Variants in KIAA1217 observed in about 807,000 individuals in gnomAD.
KIAA1217 encodes the protein KIAA1217.
KIAA1217 carries 88 observed loss-of-function variants against 163.9 expected under a neutral mutation model. The observed-to-expected ratio is 0.54, with a 90% CI of 0.45 to 0.64. The LOEUF is 0.64. KIAA1217 is among the 30% of genes least tolerant of loss of function. The probability of loss-of-function intolerance (pLI) is 0.00; values close to 1 mark genes in which losing one functional copy is unlikely to be tolerated. For missense variants in KIAA1217, 2,372 were observed against 2,475.0 expected (o/e 0.96, Z 0.88); for synonymous variants, 903 against 923.1 (o/e 0.98, Z 0.39).
rs552776810 is a variant in KIAA1217, at chr10:23,785,927, T to C, written c.-321+90693T>C. Among the ~76,000 whole-genome samples, 206 of 151,802 alleles carry C rather than the reference T, an allele frequency of 1.4e-3. 2 individuals are homozygous for C. Among genetic ancestry groups the C allele is most frequent in the Non-Finnish European group, 2.5e-3 (173 of 67,934 alleles). On this transcript the variant is annotated intron_variant, in intron 1 of 18. Coordinates refer to the KIAA1217 transcript ENST00000376462. ...ATACATAAACAACATCAGAATTCTG[T>C]TGGAAATAAAGAAAAAGGAGGAGAC...
chr10:24,049,960 C>T (rs1257594089), intron 2 of KIAA1217, among the ~76,000 whole-genome samples: 1 of 152,200 alleles, frequency 6.6e-6, no homozygotes, highest in Non-Finnish European at 1.5e-5. Context: ...CACTTCCTCT[C>T]CAGCATCTGT....
At chr10:24,315,961 A>G (rs2043308595) in intron 2 of KIAA1217, among the ~76,000 whole-genome samples, 1 of 151,752 alleles carries the variant, frequency 6.6e-6, no homozygotes. Flanking sequence ...CTTTTTAAAG[A>G]CAGCCAGTAT....
intron 2 of KIAA1217, among the ~76,000 whole-genome samples, chr10:24,125,236 C>A (rs2063425428): frequency 6.6e-6 from 1 of 152,030 alleles, no homozygotes; most frequent in Non-Finnish European, 1.5e-5. Flanking sequence ...CGTGCCACTG[C>A]ACTCCAGCCT....
In KIAA1217 at chr10:24,533,155, C is replaced by A. The variant is rs2073377290; in HGVS notation, c.3332C>A (p.Ser1111Tyr). The change falls in exon 16 of 21, where the codon TCC becomes TAC. Residue 1111 changes from serine to tyrosine, a missense_variant. This residue lies in a region of KIAA1217 where 1,431 missense variants were observed against 1,470.3 expected (regional missense o/e 0.97). Coordinates refer to ENST00000376454, the MANE Select transcript of KIAA1217 (RefSeq NM_019590.5). ...GAGCCTGCTTCAGCCTGGACCCCAT[C>A]CCCACCGCCTGTCACCACCTCCTCC... ...AEEPASAWTP[S>Y]PPPVTTSSSK... The A allele has an allele frequency of 6.2e-7, 1 of 1,613,860 alleles. No individual in the cohort carries two copies. Among genetic ancestry groups the A allele is most frequent in the East Asian group, 2.2e-5 (1 of 44,864 alleles).
chr10:23,922,048 C>T (rs895279676), intron 1 of KIAA1217, among the ~76,000 whole-genome samples: 2 of 151,880 alleles, frequency 1.3e-5, no homozygotes, highest in African/African-American at 2.4e-5. Flanking sequence ...TCACCCCCCA[C>T]CCCCCACCAA....
chr10:24,277,877 G>A (rs967003124), intron 2 of KIAA1217, among the ~76,000 whole-genome samples: 7 of 152,160 alleles, frequency 4.6e-5, no homozygotes, highest in East Asian at 1.9e-4. Flanking sequence ...ACCCTCTGAC[G>A]GGCAAAAGAC....
intron 6 of KIAA1217, among the ~76,000 whole-genome samples, chr10:24,478,394 A>T (rs575751418): frequency 6.6e-6 from 1 of 152,230 alleles, no homozygotes; most frequent in East Asian, 1.9e-4. Flanking sequence ...AGATGCTTCA[A>T]TGAGCATCTA....
chr10:23,837,370 G>T (rs1185976456), intron 1 of KIAA1217, among the ~76,000 whole-genome samples: 1 of 152,110 alleles, frequency 6.6e-6, no homozygotes, highest in African/African-American at 2.4e-5. Flanking sequence ...CTTCCCGGAT[G>T]ACTTCAATGT....
intron 2 of KIAA1217, among the ~76,000 whole-genome samples, chr10:24,199,260 CA>C: frequency 6.6e-6 from 1 of 152,188 alleles, no homozygotes; most frequent in African/African-American, 2.4e-5. Context: ...ATAAACAAAA[CA>C]TTTTACATTT....
At chr10:24,447,569 G>C (rs535944123) in intron 5 of KIAA1217, among the ~76,000 whole-genome samples, 1 of 152,030 alleles carries the variant, frequency 6.6e-6, no homozygotes, top group Admixed American at 6.6e-5. Flanking sequence ...TCATCTTCAC[G>C]CTCCCTGTGG....
chr10:24,175,362 T>G (rs867146657), intron 2 of KIAA1217, among the ~76,000 whole-genome samples: 1 of 152,186 alleles, frequency 6.6e-6, no homozygotes, highest in Non-Finnish European at 1.5e-5. Context: ...AGAATAATGA[T>G]CTCCAATTCC....
intron 5 of KIAA1217, among the ~76,000 whole-genome samples, chr10:24,453,322 C>T (rs1041330288): frequency 3.3e-5 from 5 of 152,188 alleles, no homozygotes; most frequent in Non-Finnish European, 7.3e-5. Flanking sequence ...AGCCAGCTTT[C>T]GCTAATCCTC....
chr10:24,106,192 A>G (rs1219987477), intron 2 of KIAA1217, among the ~76,000 whole-genome samples: 1 of 152,174 alleles, frequency 6.6e-6, no homozygotes, highest in African/African-American at 2.4e-5. Flanking sequence ...CTCCTTGGTA[A>G]CAGGACCCTG....
In KIAA1217 at chr10:24,433,137, C is replaced by T. The variant is rs189050004; in HGVS notation, c.696C>T (p.Val232=). 1.5e-4 allele frequency: 242 copies of T among 1,613,966 alleles called. No homozygotes were observed. Among genetic ancestry groups the T allele is most frequent in the Middle Eastern group, 1.6e-4 (1 of 6,062 alleles). The stretch of plus-strand genomic sequence containing the variant: ...TGAAAATGCTGGAATCGCCCAGTGT[C>T]GCCATTTACATCAAAGATGAAAGCA... ...LTMKMLESPS[V]AIYIKDESRN... The change falls in exon 4 of 21, where the codon GTC becomes GTT. Residue 232 remains valine, a synonymous_variant. Coordinates refer to ENST00000376454, the MANE Select transcript of KIAA1217 (RefSeq NM_019590.5).
intron 17 of KIAA1217, among the ~76,000 whole-genome samples, chr10:24,539,791 C>G (rs1360765894): frequency 6.6e-6 from 1 of 152,132 alleles, no homozygotes; most frequent in East Asian, 1.9e-4. Context: ...AAGTATTTAC[C>G]CTTCCATAAA....
chr10:24,449,857 C>A, intron 5 of KIAA1217: 1 of 587,038 alleles, frequency 1.7e-6, no homozygotes, highest in Non-Finnish European at 2.1e-6. Context: ...CTTCTGTATT[C>A]AAGTTCAATG....
At chr10:24,166,458 C>T (rs937596559) in intron 2 of KIAA1217, among the ~76,000 whole-genome samples, 1 of 152,052 alleles carries the variant, frequency 6.6e-6, no homozygotes, top group African/African-American at 2.4e-5. Flanking sequence ...AAAATAGGGG[C>T]CAGTCGTGGT....
intron 2 of KIAA1217, among the ~76,000 whole-genome samples, chr10:24,318,366 A>G (rs1020368724): frequency 1.3e-5 from 2 of 152,162 alleles, no homozygotes; most frequent in African/African-American, 4.8e-5. Flanking sequence ...GTTGAAGGCC[A>G]CAAGAGAAAA....
At chr10:23,701,326 A>G (rs12415121) in intron 1 of KIAA1217, among the ~76,000 whole-genome samples, 20,942 of 152,216 alleles carry the variant, frequency 0.14, 2,444 homozygotes, top group African/African-American at 0.31. Context: ...AAGATATGGC[A>G]TAATCCTTTC....
Sources: allele counts gnomAD v4.1 joint callset (sites outside exome capture counted in the v4.1 genomes callset), GRCh38; gene constraint gnomAD v4.1.1; regional missense constraint gnomAD v4.1.1; transcripts MANE v1.5; gene names NCBI Gene and HGNC (gene_info 2026-07-23, HGNC 2026-07-21).